NR1H2: variants seen among roughly 807,000 people sequenced by gnomAD.
The protein encoded by NR1H2 is oxysterols receptor LXR-beta.
NR1H2 carries 33 observed loss-of-function variants against 51.2 expected under a neutral mutation model. The observed-to-expected ratio is 0.64, with a 90% CI of 0.49 to 0.86. The LOEUF (loss-of-function observed/expected upper bound fraction) is 0.86. Ranked by LOEUF, NR1H2 falls within the 40% of genes least tolerant of loss-of-function variation. The pLI, the probability that NR1H2 is intolerant of heterozygous loss-of-function variation, is 0.00. For synonymous variants in NR1H2, 310 were observed against 264.3 expected, an observed-to-expected ratio of 1.17 and a Z score of -1.68; for missense variants, 592 against 639.9, an observed-to-expected ratio of 0.93 and a Z score of 0.81.
chr19:50,378,840 G>C, intron 6 of NR1H2, 44 bp downstream of exon 6: 2 of 1,591,860 alleles, frequency 1.3e-6, no homozygotes, highest in Non-Finnish European at 1.7e-6. Context: ...TCCCAATGGG[G>C]TAGAGCCAGC....
At position 50,382,917 on chromosome 19, in the gene NR1H2, C is replaced by T. The variant is rs41497750; in HGVS notation, c.*315C>T. On this transcript the variant is annotated 3_prime_UTR_variant, in exon 10 of 10. Transcript: ENST00000253727. ...GAGGGGAGGACCCATGGCTCTCCCC[C>T]CTAGCCCGGGAGACCAGGGCCTTCC... 24 of 198,436 alleles carry T rather than the reference C, an allele frequency of 1.2e-4. No homozygotes were observed. Among genetic ancestry groups the T allele is most frequent in the African/African-American group, 1.0e-3 (21 of 21,046 alleles). 12.3% of individuals were successfully genotyped at this position (198,436 alleles called of 1,614,324 possible).
chr19:50,378,990 C>T lies in NR1H2; in HGVS notation c.748-12C>T, dbSNP rs781236866. 1.9e-6 allele frequency: 3 copies of T among 1,600,206 alleles called. No homozygotes were observed. Among genetic ancestry groups the T allele is most frequent in the African/African-American group, 1.3e-5 (1 of 74,790 alleles). Reference sequence around the variant, plus strand: ...AAAGACCTGGGAGTGACCCTGGTCTCCTGTGTCCCAGCCCTGGCCCCTGGG... The same window carrying T: ...AAAGACCTGGGAGTGACCCTGGTCTTCTGTGTCCCAGCCCTGGCCCCTGGG... On this transcript the variant is annotated splice_polypyrimidine_tract_variant and intron_variant, in intron 6 of 9. Coordinates refer to ENST00000253727, the MANE Select transcript of NR1H2 (RefSeq NM_007121.7).
chr19:50,382,410 T>G (rs1463757309), intron 9 of NR1H2, 46 bp from the exon 10 acceptor site: 4 of 1,545,686 alleles, frequency 2.6e-6, no homozygotes, highest in Non-Finnish European at 2.6e-6. Context: ...TCCCAAAGCC[T>G]GGCAGGGCAG....
chr19:50,379,461 G>A (rs143404702), intron 7 of NR1H2, among the ~76,000 whole-genome samples: 20 of 152,332 alleles, frequency 1.3e-4, no homozygotes, highest in African/African-American at 4.8e-4. Context: ...AGCACGTGCT[G>A]TATGCCAGGC....
chr19:50,378,291 G>A lies in NR1H2; in HGVS notation c.324G>A (p.Lys108=), dbSNP rs1392577140. Reference sequence around the variant, plus strand: ...ACGTGCTCAGCTGCGAAGGCTGCAAGGGCTTCTTCCGGCGCAGTGTGGTCC... The same window carrying A: ...ACGTGCTCAGCTGCGAAGGCTGCAAAGGCTTCTTCCGGCGCAGTGTGGTCC... ...HYNVLSCEGC[K]GFFRRSVVRG... The change falls in exon 5 of 10, where the codon AAG becomes AAA. Residue 108 remains lysine (K), a synonymous_variant. Coordinates refer to ENST00000253727, the MANE Select transcript of NR1H2 (RefSeq NM_007121.7). The A allele has an allele frequency of 6.2e-7, 1 of 1,613,516 alleles. No individual in the cohort carries two copies.
intron 2 of NR1H2, 92 bp from the exon 3 acceptor site, chr19:50,377,495 G>GA (rs931862223): frequency 9.5e-5 from 95 of 1,002,276 alleles, no homozygotes; most frequent in African/African-American, 1.2e-4. Context: ...TGGAGAGATG[G>GA]AAAAAAAAGG....
rs1310394956 is a variant in NR1H2 at position 50,382,066 on chromosome 19, C to T, written c.1128C>T (p.Asn376=). 5 of 1,556,120 alleles carry T rather than the reference C, an allele frequency of 3.2e-6. No homozygotes were observed. The African/African-American group carries it at 6.8e-5, about 21-fold the overall frequency. ...AGTACGCCCTGCTCATCGCCATCAA[C>T]ATCTTCTCGGCCGACCGGCCCAACG... The part of the protein sequence containing the change: ...DAEYALLIAI[N]IFSADRPNVQ... Residue 376 remains asparagine (N), a synonymous_variant, in exon 9 of 10, where the codon AAC becomes AAT. Transcript: ENST00000253727.
intron 5 of NR1H2, 26 bp from the exon 6 acceptor site, chr19:50,378,496 C>T (rs1383326788): frequency 1.3e-6 from 2 of 1,588,958 alleles, no homozygotes; most frequent in East Asian, 4.5e-5. Context: ...CCCTGGGGTT[C>T]TGCTGAGGCC....
chr19:50,377,913 G>C, intron 4 of NR1H2, 43 bp downstream of exon 4: 1 of 1,511,354 alleles, frequency 6.6e-7, no homozygotes, highest in Non-Finnish European at 8.8e-7. Flanking sequence ...TTGGGGAGGG[G>C]TTTAGGAAGG....
chr19:50,379,258 A>G, intron 7 of NR1H2, 77 bp downstream of exon 7: 1 of 1,436,706 alleles, frequency 7.0e-7, no homozygotes, highest in Non-Finnish European at 9.4e-7. Flanking sequence ...AAGGAAGACC[A>G]GTGCTTGCCG....
Position 50,379,145 on chromosome 19 carries a change from G to A in NR1H2, c.891G>A (p.Glu297=). 1 of 1,613,700 alleles carries A rather than the reference G, an allele frequency of 6.2e-7. No homozygotes were observed. Among genetic ancestry groups the A allele is most frequent in the Non-Finnish European group, 8.5e-7 (1 of 1,179,866 alleles). Residue 297 remains glutamate, a synonymous_variant, in exon 7 of 10, where the codon GAG becomes GAA. Coordinates refer to ENST00000253727, the MANE Select transcript of NR1H2 (RefSeq NM_007121.7). ...CTGGTTTCCTGCAGCTGGGCCGGGAGGACCAGATCGCCCTCCTGAAGGCAT... is the reference window on the plus strand; with the variant it reads ...CTGGTTTCCTGCAGCTGGGCCGGGAAGACCAGATCGCCCTCCTGAAGGCAT... ...QVPGFLQLGR[E]DQIALLKAST...
intron 8 of NR1H2, among the ~76,000 whole-genome samples, chr19:50,381,161 C>T (rs1186273573): frequency 1.3e-5 from 2 of 152,198 alleles, no homozygotes; most frequent in African/African-American, 4.8e-5. Flanking sequence ...TTTCCTCTGC[C>T]CAGAACTAGG....
In NR1H2 at chr19:50,379,231, A is replaced by G. The variant is rs765174765; in HGVS notation, c.927+50A>G. 5 of 1,549,286 alleles carry G rather than the reference A, an allele frequency of 3.2e-6. No homozygotes were observed. In the East Asian group the frequency reaches 9.0e-5, roughly 28 times the overall value. ...AACCCCAGAGATAGCTCCAGGACAGATGCTGGGAGCAGAGTTAAGGAAGAC... is the reference window on the plus strand; with the variant it reads ...AACCCCAGAGATAGCTCCAGGACAGGTGCTGGGAGCAGAGTTAAGGAAGAC... On this transcript the variant is annotated intron_variant, in intron 7 of 9. Transcript: ENST00000253727.
chr19:50,381,195 C>T (rs1383722264), intron 8 of NR1H2, among the ~76,000 whole-genome samples: 5 of 152,212 alleles, frequency 3.3e-5, no homozygotes, highest in Admixed American at 6.5e-5. Context: ...CCTAGTTTGC[C>T]CAGGACCTTC....
Position 50,382,671 on chromosome 19 carries a change from C to A in NR1H2, c.*69C>A. 2 of 1,476,098 alleles carry A rather than the reference C, an allele frequency of 1.4e-6. No homozygotes were observed. The highest frequency in any genetic ancestry group is 1.8e-6 in the Non-Finnish European group (2 of 1,111,434). 91.4% of individuals were successfully genotyped at this position (1,476,098 alleles called of 1,614,324 possible). Reference sequence around the variant, plus strand: ...AGCAGATAGACGCCGGCACCCCTTCCTCTTCCTAGGGTGGAAGGGGCCCTG... The same window carrying A: ...AGCAGATAGACGCCGGCACCCCTTCATCTTCCTAGGGTGGAAGGGGCCCTG... On this transcript the variant is annotated 3_prime_UTR_variant, in exon 10 of 10. Coordinates refer to ENST00000253727, the MANE Select transcript of NR1H2 (RefSeq NM_007121.7).
Position 50,379,849 on chromosome 19 carries a change from A to G in NR1H2, c.997A>G (p.Thr333Ala). Residue 333 changes from threonine (T) to alanine (A), a missense_variant, in exon 8 of 10, where the codon ACC (threonine) becomes GCC (alanine). Physicochemically the swap from Thr to Ala is moderately conservative, Grantham distance 58. Transcript: ENST00000253727. Reference sequence around the variant, plus strand: ...GTGTATCACCTTCTTGAAGGACTTCACCTACAGCAAGGACGACTTCCACCG... The same window carrying G: ...GTGTATCACCTTCTTGAAGGACTTCGCCTACAGCAAGGACGACTTCCACCG... ...TECITFLKDF[T>A]YSKDDFHRAG... 1 of 1,613,802 alleles carries G rather than the reference A, an allele frequency of 6.2e-7. No homozygotes were observed. The highest frequency in any genetic ancestry group is 1.1e-5 in the South Asian group (1 of 91,068).
At chr19:50,378,920 G>C in intron 6 of NR1H2, 82 bp from the exon 7 acceptor site, 1 of 1,549,250 alleles carries the variant, frequency 6.5e-7, no homozygotes, top group Non-Finnish European at 8.7e-7. Context: ...GGATCCCCCA[G>C]GGTGCAGGCT....
intron 8 of NR1H2, among the ~76,000 whole-genome samples, chr19:50,381,058 C>T (rs940424413): frequency 1.3e-5 from 2 of 152,164 alleles, no homozygotes; most frequent in African/African-American, 2.4e-5. Flanking sequence ...ACTCTCTGCC[C>T]TCAGCTCTCA....
At chr19:50,382,401 C>G in intron 9 of NR1H2, 55 bp from the exon 10 acceptor site, 1 of 1,537,664 alleles carries the variant, frequency 6.5e-7, no homozygotes, top group Non-Finnish European at 8.7e-7. Flanking sequence ...GGGTGGGCCT[C>G]CCAAAGCCTG....
Sources: allele counts gnomAD v4.1 joint callset (sites outside exome capture counted in the v4.1 genomes callset), GRCh38; gene constraint gnomAD v4.1.1; transcripts MANE v1.5; gene names NCBI Gene and HGNC (gene_info 2026-07-23, HGNC 2026-07-21).